The following VPS13B variants were observed in gnomAD, a reference collection of about 807,000 sequenced individuals.
The protein encoded by VPS13B is intermembrane lipid transfer protein VPS13B.
Under a neutral mutation model 426.4 loss-of-function variants are expected in VPS13B, and 285 were observed. The ratio of observed to expected loss-of-function variants is 0.67; its 90% CI spans 0.61 to 0.74. The LOEUF (loss-of-function observed/expected upper bound fraction) is 0.74. Among genes scored for constraint, VPS13B ranks in the 30% least tolerant of loss-of-function variants. VPS13B has a pLI of 0.00. For missense variants in VPS13B, 4,537 were observed against 4,782.6 expected, an observed-to-expected ratio of 0.95 and a Z score of 1.51; for synonymous variants, 1,676 against 1,676.4, an observed-to-expected ratio of 1.00 and a Z score of 0.01.
chr8:99,706,650 T>G (rs1029058027), intron 36 of VPS13B, among the ~76,000 whole-genome samples: 2 of 152,180 alleles, frequency 1.3e-5, no homozygotes, highest in Non-Finnish European at 2.9e-5. Context: ...GCTAGAAAAC[T>G]GCTGGCCTCA....
At chr8:99,770,486 G>C (rs898954902) in intron 40 of VPS13B, among the ~76,000 whole-genome samples, 2 of 152,110 alleles carry the variant, frequency 1.3e-5, no homozygotes, top group South Asian at 2.1e-4. Context: ...ACTCAGACTG[G>C]GTGACTGGGG....
At chr8:99,519,946 A>G (rs1213915821) in intron 29 of VPS13B, among the ~76,000 whole-genome samples, 1 of 152,182 alleles carries the variant, frequency 6.6e-6, no homozygotes, top group Non-Finnish European at 1.5e-5. Context: ...AACTTAAAGT[A>G]TAATAAAAAA....
intron 31 of VPS13B, among the ~76,000 whole-genome samples, chr8:99,574,738 G>A (rs377302013): frequency 6.6e-6 from 1 of 152,132 alleles, no homozygotes; most frequent in African/African-American, 2.4e-5. Flanking sequence ...TCCAATTCTG[G>A]AACCTTTGTT....
chr8:99,018,643 T>C (rs762857878), intron 2 of VPS13B, among the ~76,000 whole-genome samples: 16 of 152,192 alleles, frequency 1.1e-4, no homozygotes, highest in South Asian at 2.1e-4. Context: ...TAATGTGGAG[T>C]AGAGGTCATG....
At position 99,875,924 on chromosome 8, in the gene VPS13B, C is replaced by CTTAT; in HGVS notation, c.*262_*265dup. 7.8e-6 allele frequency: 4 copies of CTTAT among 514,176 alleles called. No individual in the cohort carries two copies. Among genetic ancestry groups the CTTAT allele is most frequent in the East Asian group, 3.5e-5 (1 of 28,864 alleles). The allele number at this position is 514,176 out of a possible 1,614,324, so 31.9% of individuals were successfully genotyped here. A position where few individuals can be genotyped will look rare whatever the true frequency, so the allele number is the denominator to read the frequency against. ...ATATGGACACAAGGCCAACAGTTTC[C>CTTAT]TTATTTACATCCTTACCTCTAAAAG... On this transcript the variant is annotated 3_prime_UTR_variant, in exon 62 of 62. Coordinates refer to ENST00000357162, the MANE Select transcript of VPS13B (RefSeq NM_152564.5).
At chr8:99,162,637 C>T (rs950027616) in intron 15 of VPS13B, among the ~76,000 whole-genome samples, 2 of 151,868 alleles carry the variant, frequency 1.3e-5, no homozygotes, top group African/African-American at 4.8e-5. Context: ...TAAGGCAGCG[C>T]GTCTGGAGTT....
intron 1 of VPS13B, 55 bp from the exon 2 acceptor site, chr8:99,013,705 C>A: frequency 6.5e-7 from 1 of 1,547,064 alleles, no homozygotes; most frequent in Non-Finnish European, 8.9e-7. Flanking sequence ...AGATAACGAA[C>A]GCTCTTTCCT....
chr8:99,355,113 G>C (rs1254829525), intron 19 of VPS13B, among the ~76,000 whole-genome samples: 1 of 152,054 alleles, frequency 6.6e-6, no homozygotes, highest in Non-Finnish European at 1.5e-5. Flanking sequence ...GGCATTTAGG[G>C]CAAGGAAAAG....
At chr8:99,543,044 C>T (rs1162256763) in intron 30 of VPS13B, among the ~76,000 whole-genome samples, 8 of 152,184 alleles carry the variant, frequency 5.3e-5, no homozygotes, top group Non-Finnish European at 8.8e-5. Context: ...AGGCATCACA[C>T]TACCTGACTT....
chr8:99,391,722 T>C lies in VPS13B; in HGVS notation c.3082+18T>C. 6.2e-7 allele frequency: 1 copy of C among 1,613,048 alleles called. No individual in the cohort carries two copies. On this transcript the variant is annotated intron_variant, in intron 21 of 61. Coordinates refer to ENST00000357162, the MANE Select transcript of VPS13B (RefSeq NM_152564.5). ...GGTAACAGGTATGTGTCAAGTACTG[T>C]AAAGGGACTATGATTGTACTCTACT... is the stretch of plus-strand genomic sequence containing the variant.
chr8:99,100,322 C>T (rs1846664000), intron 4 of VPS13B, among the ~76,000 whole-genome samples: 1 of 152,112 alleles, frequency 6.6e-6, no homozygotes, highest in African/African-American at 2.4e-5. Flanking sequence ...CACGGTTTCA[C>T]TCCTGTCACC....
At chr8:99,334,101 T>C (rs529621498) in intron 19 of VPS13B, among the ~76,000 whole-genome samples, 5 of 152,092 alleles carry the variant, frequency 3.3e-5, no homozygotes, top group African/African-American at 1.2e-4. Flanking sequence ...GAATTGTTAC[T>C]ATAAGGTAGT....
chr8:99,610,831 T>C (rs1470115035), intron 33 of VPS13B, among the ~76,000 whole-genome samples: 2 of 152,162 alleles, frequency 1.3e-5, no homozygotes, highest in Non-Finnish European at 2.9e-5. Flanking sequence ...TTGCCTAATA[T>C]TGAGTAGTGA....
At chr8:99,580,325 AAT>A (rs72284628) in intron 33 of VPS13B, among the ~76,000 whole-genome samples, 37,164 of 146,608 alleles carry the variant, frequency 0.25, 5,326 homozygotes, top group East Asian at 0.44. Flanking sequence ...TATAACATTA[AAT>A]ATATATATAT....
intron 15 of VPS13B, among the ~76,000 whole-genome samples, chr8:99,168,142 T>C (rs1269390363): frequency 6.6e-6 from 1 of 152,190 alleles, no homozygotes; most frequent in Non-Finnish European, 1.5e-5. Flanking sequence ...CATAATAATT[T>C]GGCAATATTT....
chr8:99,476,851 C>T (rs1316530894), intron 24 of VPS13B, among the ~76,000 whole-genome samples: 1 of 152,112 alleles, frequency 6.6e-6, no homozygotes, highest in African/African-American at 2.4e-5. Flanking sequence ...GAAATGACAC[C>T]AGATGGCTGA....
At chr8:99,133,350 T>G (rs1012930891) in intron 8 of VPS13B, among the ~76,000 whole-genome samples, 3 of 152,240 alleles carry the variant, frequency 2.0e-5, no homozygotes, top group African/African-American at 7.2e-5. Flanking sequence ...TACTCTGGAT[T>G]CAGCCTTGGC....
intron 32 of VPS13B, among the ~76,000 whole-genome samples, 173 bp downstream of exon 32, chr8:99,575,957 C>T (rs1213979583): frequency 6.6e-6 from 1 of 152,150 alleles, no homozygotes; most frequent in Non-Finnish European, 1.5e-5. Context: ...TCAGTTATTG[C>T]TTTCCTTGTA....
chr8:99,811,089 C>G (rs1813672732), intron 44 of VPS13B, among the ~76,000 whole-genome samples: 1 of 152,182 alleles, frequency 6.6e-6, no homozygotes, highest in Non-Finnish European at 1.5e-5. Context: ...TCAAGAATGT[C>G]TTACCCACCT....
Sources: allele counts gnomAD v4.1 joint callset (sites outside exome capture counted in the v4.1 genomes callset), GRCh38; gene constraint gnomAD v4.1.1; transcripts MANE v1.5; gene names NCBI Gene and HGNC (gene_info 2026-07-23, HGNC 2026-07-21).